Variants in DSCAM observed in about 807,000 individuals in gnomAD.
DSCAM encodes DS cell adhesion molecule.
In DSCAM, 47 loss-of-function variants were observed where a neutral mutation model predicts 217.7. That is an observed-to-expected ratio of 0.22 (90% CI 0.17 to 0.28). The LOEUF (loss-of-function observed/expected upper bound fraction) is 0.28, where lower values mean the gene tolerates loss of function less well. Among genes scored for constraint, DSCAM ranks in the 10% least tolerant of loss-of-function variants. The pLI, the probability that DSCAM is intolerant of heterozygous loss-of-function variation, is 1.00. For synonymous variants in DSCAM, 1,056 were observed against 1,015.3 expected (o/e 1.04, Z -0.76); for missense variants, 2,080 against 2,618.3 (o/e 0.79, Z 4.49).
chr21:40,290,733 A>G (rs1488123031), intron 10 of DSCAM, among the ~76,000 whole-genome samples: 1 of 152,228 alleles, frequency 6.6e-6, no homozygotes, highest in Non-Finnish European at 1.5e-5. Context: ...TGCTCCCTCC[A>G]AGGAGACAGT....
chr21:40,477,107 C>A (rs1016872894), intron 3 of DSCAM, among the ~76,000 whole-genome samples: 1 of 152,068 alleles, frequency 6.6e-6, no homozygotes, highest in Non-Finnish European at 1.5e-5. Flanking sequence ...CATTTAGGAT[C>A]TCAATGTGGA....
chr21:40,731,270 G>A (rs567662055), intron 1 of DSCAM, among the ~76,000 whole-genome samples: 1 of 152,294 alleles, frequency 6.6e-6, no homozygotes, highest in South Asian at 2.1e-4. Context: ...TAGTATGATA[G>A]GAGTGATAGT....
At chr21:40,263,054 C>A (rs963613012) in intron 11 of DSCAM, among the ~76,000 whole-genome samples, 3 of 152,088 alleles carry the variant, frequency 2.0e-5, no homozygotes, top group Non-Finnish European at 4.4e-5. Flanking sequence ...AGCCAAGATA[C>A]CTTTTTAAAA....
intron 10 of DSCAM, among the ~76,000 whole-genome samples, chr21:40,294,535 C>A (rs1035772643): frequency 2.0e-5 from 3 of 152,162 alleles, no homozygotes; most frequent in Non-Finnish European, 4.4e-5. Context: ...GGTGCCTTTT[C>A]ACTTCACTTA....
At chr21:40,396,163 C>A (rs2075176649) in intron 3 of DSCAM, among the ~76,000 whole-genome samples, 1 of 152,122 alleles carries the variant, frequency 6.6e-6, no homozygotes, top group African/African-American at 2.4e-5. Context: ...CTCTTCCTTG[C>A]TACTATGTCT....
intron 25 of DSCAM, 58 bp from the exon 26 acceptor site, chr21:40,079,035 T>C (rs549211317): frequency 6.4e-7 from 1 of 1,567,752 alleles, no homozygotes; most frequent in Non-Finnish European, 8.7e-7. Flanking sequence ...GCCATCAGCA[T>C]CTTCACGCAT....
chr21:40,376,270 G>A (rs758561374), intron 3 of DSCAM, among the ~76,000 whole-genome samples: 2 of 151,882 alleles, frequency 1.3e-5, no homozygotes, highest in African/African-American at 4.8e-5. Flanking sequence ...CTTCAAAGCC[G>A]TTTCAATAAC....
Position 40,826,061 on chromosome 21 carries a change from G to A in DSCAM, c.43+20558C>T, listed in dbSNP as rs889205921. Among the ~76,000 whole-genome samples the A allele has an allele frequency of 6.6e-5, 10 of 152,318 alleles. No homozygotes were observed. In the East Asian group the frequency reaches 1.9e-3, roughly 29 times the overall value. Reference sequence around the variant, plus strand: ...GACAAATGTGGGCTTCCCCAGTTGGGAGAGACAGATGATAAACTTCTAAGT... The same window carrying A: ...GACAAATGTGGGCTTCCCCAGTTGGAAGAGACAGATGATAAACTTCTAAGT... On this transcript the variant is annotated intron_variant, in intron 1 of 32. Coordinates refer to ENST00000400454, the MANE Select transcript of DSCAM (RefSeq NM_001389.5).
chr21:40,575,022 C>T (rs1328581216), intron 3 of DSCAM, among the ~76,000 whole-genome samples: 1 of 151,974 alleles, frequency 6.6e-6, no homozygotes, highest in African/African-American at 2.4e-5. Flanking sequence ...CACATACACA[C>T]TCAGATGTCC....
Position 40,049,173 on chromosome 21 carries a change from T to A in DSCAM, c.5185+2785A>T, listed in dbSNP as rs138974274. 2.0e-3 allele frequency among the ~76,000 whole-genome samples: 307 copies of A among 152,300 alleles called. 2 individuals are homozygous for A. Among genetic ancestry groups the A allele is most frequent in the African/African-American group, 7.1e-3 (297 of 41,568 alleles). ...TTCTATAAGCTATAGTGTTTCCCTG[T>A]GATCATCAGGCTAAGCCCCAGGGAC... On this transcript the variant is annotated intron_variant, in intron 30 of 32. Coordinates refer to ENST00000400454, the MANE Select transcript of DSCAM (RefSeq NM_001389.5).
At chr21:40,281,894 G>T (rs1211938021) in intron 10 of DSCAM, among the ~76,000 whole-genome samples, 1 of 152,084 alleles carries the variant, frequency 6.6e-6, no homozygotes, top group East Asian at 1.9e-4. Context: ...GTGTTTCTAT[G>T]TAATTATTTT....
At chr21:40,023,502 C>A (rs973329951) in intron 32 of DSCAM, among the ~76,000 whole-genome samples, 3 of 144,262 alleles carry the variant, frequency 2.1e-5, no homozygotes, top group African/African-American at 7.8e-5. Context: ...AAAAGTGTTC[C>A]TATTTCTCCA....
At chr21:40,442,673 G>A (rs11700500) in intron 3 of DSCAM, among the ~76,000 whole-genome samples, 2,126 of 151,796 alleles carry the variant, frequency 0.014, 35 homozygotes, top group South Asian at 0.058. Flanking sequence ...CATCACGCTC[G>A]GCAAATTTTT....
At chr21:40,588,983 T>G (rs139342071) in intron 3 of DSCAM, among the ~76,000 whole-genome samples, 61 of 152,346 alleles carry the variant, frequency 4.0e-4, no homozygotes, top group African/African-American at 1.3e-3. Context: ...GAACTCAAAC[T>G]GTATGTGTAT....
intron 1 of DSCAM, among the ~76,000 whole-genome samples, chr21:40,778,621 A>G (rs1298262775): frequency 2.0e-5 from 3 of 152,242 alleles, no homozygotes; most frequent in Non-Finnish European, 4.4e-5. Flanking sequence ...CAGTAAAAGT[A>G]AAAAAGAAAA....
chr21:40,135,093 T>A (rs1384897561), intron 18 of DSCAM, among the ~76,000 whole-genome samples: 1 of 152,142 alleles, frequency 6.6e-6, no homozygotes, highest in Non-Finnish European at 1.5e-5. Flanking sequence ...GGCTGATGGG[T>A]TTTGAAATGA....
intron 3 of DSCAM, among the ~76,000 whole-genome samples, chr21:40,530,624 A>G (rs2076435992): frequency 6.6e-6 from 1 of 152,134 alleles, no homozygotes; most frequent in Admixed American, 6.5e-5. Context: ...ATTTTTTCTC[A>G]TCTATAGAGA....
chr21:40,455,817 T>C (rs1433431333), intron 3 of DSCAM, among the ~76,000 whole-genome samples: 2 of 151,716 alleles, frequency 1.3e-5, no homozygotes, highest in African/African-American at 4.8e-5. Flanking sequence ...GATAGATAAA[T>C]AGATTGATGG....
rs112476781 is a variant in DSCAM, at chr21:40,709,430, T to C, written c.44-659A>G. On this transcript the variant is annotated intron_variant, in intron 1 of 32. Transcript: ENST00000400454. ...TAGGTATACACGTGCCGTGGTGGTTTGCTGCACCCATCAACCCGTCATCTA... is the reference window on the plus strand; with the variant it reads ...TAGGTATACACGTGCCGTGGTGGTTCGCTGCACCCATCAACCCGTCATCTA... Among the ~76,000 whole-genome samples, 1,124 of 152,324 alleles carry C rather than the reference T, an allele frequency of 7.4e-3. 16 individuals carry two copies. The highest frequency in any genetic ancestry group is 0.026 in the African/African-American group (1,085 of 41,556).
Sources: allele counts gnomAD v4.1 joint callset (sites outside exome capture counted in the v4.1 genomes callset), GRCh38; gene constraint gnomAD v4.1.1; transcripts MANE v1.5; gene names NCBI Gene and HGNC (gene_info 2026-07-23, HGNC 2026-07-21).